Variants in SYTL2 observed in about 807,000 individuals in gnomAD.
SYTL2 encodes the protein synaptotagmin like 2, also known as synaptotagmin-like protein 2.
Under a neutral mutation model 198.7 loss-of-function variants are expected in SYTL2, and 165 were observed. The observed-to-expected ratio is 0.83, with a 90% CI of 0.73 to 0.94. The LOEUF is 0.94. Among genes scored for constraint, SYTL2 ranks in the 40% least tolerant of loss-of-function variants. The probability of loss-of-function intolerance (pLI) is 0.00; values close to 1 mark genes in which losing one functional copy is unlikely to be tolerated. For synonymous variants in SYTL2, 966 were observed against 917.7 expected, an observed-to-expected ratio of 1.05 and a Z score of -0.95; for missense variants, 2,835 against 2,582.8, an observed-to-expected ratio of 1.10 and a Z score of -2.12.
chr11:85,732,552 C>T (rs1056438461), intron 7 of SYTL2, among the ~76,000 whole-genome samples: 7 of 148,880 alleles, frequency 4.7e-5, no homozygotes, highest in African/African-American at 1.2e-4. Flanking sequence ...TGAGAACACA[C>T]GGAAAACAAG....
the SYTL2 span, among the ~76,000 whole-genome samples, chr11:85,850,019 A>AT: frequency 3.4e-5 from 5 of 146,016 alleles, no homozygotes; most frequent in African/African-American, 1.3e-4. Context: ...TGTAAGTTGG[A>AT]TTCCTAGGTA....
chr11:85,784,731 A>T (rs571642111), intron 1 of SYTL2, among the ~76,000 whole-genome samples: 1 of 152,162 alleles, frequency 6.6e-6, no homozygotes, highest in Admixed American at 6.5e-5. Flanking sequence ...ATCTATGCAC[A>T]TTAGAAGCAT....
intron 5 of SYTL2, among the ~76,000 whole-genome samples, chr11:85,737,131 T>C (rs547903445): frequency 1.3e-5 from 2 of 152,332 alleles, no homozygotes; most frequent in South Asian, 4.1e-4. Flanking sequence ...ATGGTATCAA[T>C]AGAGGTTTTA....
At chr11:85,703,214 A>G (rs1419784659) in intron 16 of SYTL2, among the ~76,000 whole-genome samples, 3 of 152,174 alleles carry the variant, frequency 2.0e-5, no homozygotes, top group African/African-American at 7.2e-5. Flanking sequence ...GGCAAAAGTA[A>G]TATTTGAAGA....
At chr11:85,757,457 C>CA (rs1276400684) in intron 2 of SYTL2, among the ~76,000 whole-genome samples, 168 bp downstream of exon 2, 1 of 152,106 alleles carries the variant, frequency 6.6e-6, no homozygotes, top group African/African-American at 2.4e-5. Context: ...AATTAAGAGG[C>CA]ACCAAGAGGA....
At chr11:85,778,442 T>C (rs2092497776) in intron 1 of SYTL2, among the ~76,000 whole-genome samples, 1 of 152,188 alleles carries the variant, frequency 6.6e-6, no homozygotes, top group South Asian at 2.1e-4. Context: ...ATCACAACAG[T>C]ACCCGGTACT....
intron 1 of SYTL2, among the ~76,000 whole-genome samples, chr11:85,761,546 GA>G (rs2092096703): frequency 6.6e-6 from 1 of 152,216 alleles, no homozygotes; most frequent in African/African-American, 2.4e-5. Flanking sequence ...TTTACTCTGA[GA>G]TGAAGCAGCA....
rs1486150627 is a variant in SYTL2, at chr11:85,734,569, G to T, written c.760C>A (p.Gln254Lys). 1 of 1,614,186 alleles carries T rather than the reference G, an allele frequency of 6.2e-7. No individual in the cohort carries two copies. The change falls in exon 7 of 20, where the codon CAG becomes AAG. Residue 254 changes from glutamine to lysine, a missense_variant. Gln to Lys is a moderately conservative substitution (Grantham distance 53, BLOSUM62 1). Coordinates refer to ENST00000359152, the MANE Select transcript of SYTL2 (RefSeq NM_206927.4). ...TCTGTCCTTTGTCTAGGAAAAGACT[G>T]GTTATCATCTTTGTTTAAATCAGTT... ...KSTDLNKDDN[Q>K]SFPRQRTDSL... is the part of the protein sequence containing the mutation.
Position 85,734,502 on chromosome 11 carries a change from C to T in SYTL2, c.827G>A (p.Arg276His), listed in dbSNP as rs778754109. The change falls in exon 7 of 20, where the codon CGC becomes CAC. Residue 276 changes from arginine (R) to histidine (H), a missense_variant. Coordinates refer to ENST00000359152, the MANE Select transcript of SYTL2 (RefSeq NM_206927.4). The part of the protein sequence containing the change: ...ARGAPRGILK[R>H]NSSSSSTDSE... The stretch of plus-strand genomic sequence containing the variant: ...GTCTGTGCTACTGGAACTGGAGTTG[C>T]GCTTGAGGATCCCTCTCGGAGCCCC... 31 of 1,614,166 alleles carry T rather than the reference C, an allele frequency of 1.9e-5. No homozygotes were observed. The highest frequency in any genetic ancestry group is 1.3e-4 in the East Asian group (6 of 44,880).
intron 1 of SYTL2, among the ~76,000 whole-genome samples, chr11:85,765,962 A>G (rs1399065919): frequency 6.6e-6 from 1 of 152,214 alleles, no homozygotes; most frequent in Non-Finnish European, 1.5e-5. Context: ...ATGACCAACC[A>G]TAATACAAGT....
At position 85,726,399 on chromosome 11, in the gene SYTL2, T is replaced by C; in HGVS notation, c.2959A>G (p.Lys987Glu). 1 of 1,613,238 alleles carries C rather than the reference T, an allele frequency of 6.2e-7. No homozygotes were observed. The highest frequency in any genetic ancestry group is 8.5e-7 in the Non-Finnish European group (1 of 1,179,800). The change falls in exon 8 of 20, where the codon AAG (lysine) becomes GAG (glutamate). Residue 987 changes from lysine to glutamate, a missense_variant. This residue lies in a region of SYTL2 where 2,645 missense variants were observed against 2,381.7 expected (regional missense o/e 1.11). Transcript: ENST00000359152. ...GAATTAGCTTCTAAGTCCCAAAACT[T>C]TCTCAAATTCTCAAACTGAGAGGGA... The part of the protein sequence containing the change: ...YNPSQFENLR[K>E]FWDLEANSNS...
At chr11:85,747,969 T>A (rs2091273431) in intron 3 of SYTL2, among the ~76,000 whole-genome samples, 1 of 152,166 alleles carries the variant, frequency 6.6e-6, no homozygotes, top group East Asian at 1.9e-4. Flanking sequence ...ATTCTGAATC[T>A]TCAGAGTTAA....
chr11:85,786,600 T>C (rs189221722), intron 1 of SYTL2, among the ~76,000 whole-genome samples: 2 of 152,298 alleles, frequency 1.3e-5, no homozygotes, highest in African/African-American at 2.4e-5. Context: ...TCTCCTCTGC[T>C]ACCATCAGCA....
chr11:85,761,145 G>A (rs774092613), intron 1 of SYTL2, among the ~76,000 whole-genome samples: 2 of 151,852 alleles, frequency 1.3e-5, no homozygotes, highest in Non-Finnish European at 2.9e-5. Flanking sequence ...GGCAATGGAT[G>A]GAAACAATCA....
At chr11:85,785,643 C>T (rs1298325537) in intron 1 of SYTL2, among the ~76,000 whole-genome samples, 1 of 152,010 alleles carries the variant, frequency 6.6e-6, no homozygotes, top group Non-Finnish European at 1.5e-5. Context: ...AGGTATACTC[C>T]CCAAGTTTTA....
chr11:85,725,996 G>C lies in SYTL2; in HGVS notation c.3362C>G (p.Thr1121Ser), dbSNP rs775219922. ...EQEIQESIIKTNVLSKDCKDT... is the reference protein window; with the variant it reads ...EQEIQESIIKSNVLSKDCKDT... The stretch of plus-strand genomic sequence containing the variant: ...TTTGCAGTCTTTAGACAAAACATTG[G>C]TTTTTATTATGGATTCTTGAATCTC... The change falls in exon 8 of 20, where the codon ACC (threonine) becomes AGC (serine). Residue 1121 changes from threonine to serine, a missense_variant. Physicochemically the swap from Thr to Ser is moderately conservative, Grantham distance 58. This residue lies in a region of SYTL2 where 2,645 missense variants were observed against 2,381.7 expected (regional missense o/e 1.11). Coordinates refer to ENST00000359152, the MANE Select transcript of SYTL2 (RefSeq NM_206927.4). The C allele has an allele frequency of 5.6e-6, 9 of 1,613,740 alleles. No homozygotes were observed. In the South Asian group the frequency reaches 8.8e-5, roughly 16 times the overall value.
At chr11:85,711,310 G>C in intron 12 of SYTL2, 78 bp from the exon 13 acceptor site, 1 of 1,501,058 alleles carries the variant, frequency 6.7e-7, no homozygotes, top group East Asian at 2.3e-5. Flanking sequence ...AGGCAAAGAT[G>C]AGATTTTGGT....
chr11:85,695,083 T>TC lies in SYTL2; in HGVS notation c.*111dup. ...TTGACTTTTACATGCTGTGTAGTAT[T>TC]CCTTAGGTGCAATAGATAGAAAGTG... On this transcript the variant is annotated 3_prime_UTR_variant, in exon 20 of 20. Coordinates refer to ENST00000359152, the MANE Select transcript of SYTL2 (RefSeq NM_206927.4). 8.8e-7 allele frequency: 1 copy of TC among 1,135,768 alleles called. No individual in the cohort carries two copies. The highest frequency in any genetic ancestry group is 1.6e-5 in the South Asian group (1 of 63,548). The allele number at this position is 1,135,768 out of a possible 1,614,324, so 70.4% of individuals were successfully genotyped here.
intron 1 of SYTL2, among the ~76,000 whole-genome samples, chr11:85,777,636 C>A (rs755458566): frequency 1.3e-5 from 2 of 150,838 alleles, no homozygotes; most frequent in Non-Finnish European, 3.0e-5. Flanking sequence ...TAATCCCCCC[C>A]CAACCCACAC....
Sources: allele counts gnomAD v4.1 joint callset (sites outside exome capture counted in the v4.1 genomes callset), GRCh38; gene constraint gnomAD v4.1.1; regional missense constraint gnomAD v4.1.1; transcripts MANE v1.5; gene names NCBI Gene and HGNC (gene_info 2026-07-23, HGNC 2026-07-21).